Variants in FSHR observed in about 807,000 individuals in gnomAD.
The protein encoded by FSHR is follicle-stimulating hormone receptor.
In FSHR, 46 loss-of-function variants were observed where a neutral mutation model predicts 52.1. The observed-to-expected ratio is 0.88, with a 90% confidence interval of 0.70 to 1.13. The LOEUF is 1.13. Ranked by LOEUF, FSHR falls within the 50% of genes most tolerant of loss-of-function variation. The pLI is 0.00. For synonymous variants in FSHR, 399 were observed against 309.6 expected, an observed-to-expected ratio of 1.29 and a Z score of -3.03; for missense variants, 964 against 834.6, an observed-to-expected ratio of 1.16 and a Z score of -1.91.
At chr2:49,032,842 C>G (rs59621106) in intron 2 of FSHR, among the ~76,000 whole-genome samples, 1 of 152,120 alleles carries the variant, frequency 6.6e-6, no homozygotes, top group Admixed American at 6.5e-5. Flanking sequence ...ATAGCCACCC[C>G]CTTCCTGCTT....
intron 4 of FSHR, among the ~76,000 whole-genome samples, chr2:48,991,570 C>A (rs1013725519): frequency 1.3e-5 from 2 of 152,130 alleles, no homozygotes; most frequent in Admixed American, 1.3e-4. Flanking sequence ...TCCTGATGGG[C>A]ATCTCTCACA....
intron 1 of FSHR, among the ~76,000 whole-genome samples, chr2:49,139,280 G>T (rs1438213145): frequency 6.6e-6 from 1 of 152,124 alleles, no homozygotes; most frequent in Non-Finnish European, 1.5e-5. Flanking sequence ...TCCTTTGGGT[G>T]TATATGGAGA....
At chr2:49,129,793 C>G (rs182859113) in intron 1 of FSHR, among the ~76,000 whole-genome samples, 4 of 152,146 alleles carry the variant, frequency 2.6e-5, no homozygotes, top group Non-Finnish European at 5.9e-5. Flanking sequence ...AGAATCCTGA[C>G]GCGCCTTCAA....
chr2:48,991,556 G>A (rs920422315), intron 4 of FSHR, among the ~76,000 whole-genome samples: 7 of 152,256 alleles, frequency 4.6e-5, no homozygotes, highest in Admixed American at 2.0e-4. Flanking sequence ...AGCACCCAGT[G>A]AGTTCCTGAT....
At chr2:49,099,196 C>T (rs901444964) in intron 1 of FSHR, among the ~76,000 whole-genome samples, 1 of 151,982 alleles carries the variant, frequency 6.6e-6, no homozygotes, top group South Asian at 2.1e-4. Flanking sequence ...CCCACAATTC[C>T]CACATGTTGT....
At chr2:49,023,280 T>A (rs72827268) in intron 2 of FSHR, among the ~76,000 whole-genome samples, 1 of 152,214 alleles carries the variant, frequency 6.6e-6, no homozygotes, top group Admixed American at 6.5e-5. Context: ...CATTGTCTAA[T>A]TCATCTGTTT....
chr2:49,039,235 T>C (rs559000283), intron 2 of FSHR, among the ~76,000 whole-genome samples: 2 of 152,324 alleles, frequency 1.3e-5, no homozygotes, highest in East Asian at 3.9e-4. Context: ...TCTTACATCT[T>C]TTGTTTTCTG....
chr2:49,072,139 C>T (rs1194939456), intron 1 of FSHR, among the ~76,000 whole-genome samples: 1 of 152,076 alleles, frequency 6.6e-6, no homozygotes, highest in Non-Finnish European at 1.5e-5. Flanking sequence ...TATTAAATTA[C>T]TTAGAAATCA....
chr2:49,052,167 T>C (rs535446384), intron 2 of FSHR, among the ~76,000 whole-genome samples: 5 of 152,320 alleles, frequency 3.3e-5, no homozygotes, highest in African/African-American at 1.2e-4. Flanking sequence ...TTTTAACAAA[T>C]GCAAATCAGA....
intron 6 of FSHR, 147 bp downstream of exon 6, chr2:48,988,830 A>T (rs1675634395): frequency 2.9e-6 from 2 of 698,576 alleles, no homozygotes; most frequent in Non-Finnish European, 2.6e-6. Context: ...AAATGTAAAG[A>T]TGAGAGAGGA....
chr2:49,078,421 T>C (rs958768570), intron 1 of FSHR, among the ~76,000 whole-genome samples: 1 of 152,136 alleles, frequency 6.6e-6, no homozygotes, highest in Non-Finnish European at 1.5e-5. Context: ...GAAGTAATGC[T>C]CTCCAACCCT....
intron 2 of FSHR, among the ~76,000 whole-genome samples, chr2:49,067,001 C>T (rs1336307697): frequency 9.2e-5 from 14 of 152,038 alleles, no homozygotes; most frequent in Non-Finnish European, 2.1e-4. Context: ...CTTCTAATCC[C>T]TGTGATAGTT....
At chr2:49,008,553 G>A (rs1301267969) in intron 4 of FSHR, among the ~76,000 whole-genome samples, 14 of 151,310 alleles carry the variant, frequency 9.3e-5, no homozygotes, top group Non-Finnish European at 1.2e-4. Flanking sequence ...GTAATGGGAT[G>A]GCTGGGTCAA....
intron 1 of FSHR, among the ~76,000 whole-genome samples, chr2:49,113,117 T>C (rs1671482712): frequency 6.6e-6 from 1 of 152,038 alleles, no homozygotes; most frequent in South Asian, 2.1e-4. Context: ...ATGGAGACAA[T>C]GTGGTAAGGG....
At chr2:49,024,764 A>G (rs1229515972) in intron 2 of FSHR, among the ~76,000 whole-genome samples, 1 of 152,180 alleles carries the variant, frequency 6.6e-6, no homozygotes, top group Non-Finnish European at 1.5e-5. Flanking sequence ...TCAGTAAATT[A>G]AGAGACTCAA....
chr2:49,055,477 G>C (rs1186569687), intron 2 of FSHR, among the ~76,000 whole-genome samples: 14 of 125,972 alleles, frequency 1.1e-4, no homozygotes, highest in Non-Finnish European at 1.6e-4. Flanking sequence ...TAAAATAATA[G>C]CTGAAAATTT....
At chr2:49,032,045 G>C (rs112521026) in intron 2 of FSHR, among the ~76,000 whole-genome samples, 1 of 152,020 alleles carries the variant, frequency 6.6e-6, no homozygotes, top group East Asian at 1.9e-4. Flanking sequence ...ACATCCTCAG[G>C]GCTTGAAGTC....
At position 48,990,903 on chromosome 2, in the gene FSHR, C is replaced by T. The variant is rs181851787; in HGVS notation, c.375-266G>A. Among the ~76,000 whole-genome samples the T allele has an allele frequency of 1.4e-3, 186 of 130,242 alleles. 2 individuals carry two copies. Among genetic ancestry groups the T allele is most frequent in the African/African-American group, 4.5e-3 (167 of 37,442 alleles). The allele number at this position is 130,242 out of a possible 152,430, so 85.4% of individuals were successfully genotyped here. ...GCCACAGTATACATTAAAAAAAAAA[C>T]GATTGATAAGTTAATGTGACCCTAA... On this transcript the variant is annotated intron_variant, in intron 4 of 9. Transcript: ENST00000406846.
intron 4 of FSHR, among the ~76,000 whole-genome samples, chr2:49,009,407 C>T (rs1667189501): frequency 6.6e-6 from 1 of 151,806 alleles, no homozygotes; most frequent in Non-Finnish European, 1.5e-5. Context: ...GGTACGAGTA[C>T]CATGCCGTTT....
Sources: allele counts gnomAD v4.1 joint callset (sites outside exome capture counted in the v4.1 genomes callset), GRCh38; gene constraint gnomAD v4.1.1; transcripts MANE v1.5; gene names NCBI Gene and HGNC (gene_info 2026-07-23, HGNC 2026-07-21).